Variants in FSTL5 observed in about 807,000 individuals in gnomAD.
FSTL5 encodes the protein follistatin like 5.
A neutral mutation model predicts 89.1 loss-of-function variants in FSTL5; 62 were observed. The observed-to-expected ratio is 0.70, with a 90% confidence interval of 0.57 to 0.86. The LOEUF (loss-of-function observed/expected upper bound fraction) is 0.86, where lower values mean the gene tolerates loss of function less well. Among genes scored for constraint, FSTL5 ranks in the 40% least tolerant of loss-of-function variants. The pLI, the probability that FSTL5 is intolerant of heterozygous loss-of-function variation, is 0.00. For missense variants in FSTL5, 1,057 were observed against 1,001.6 expected, an observed-to-expected ratio of 1.06 and a Z score of -0.75; for synonymous variants, 383 against 346.2, an observed-to-expected ratio of 1.11 and a Z score of -1.18.
intron 15 of FSTL5, among the ~76,000 whole-genome samples, chr4:161,449,973 T>C (rs1733106108): frequency 6.6e-6 from 1 of 152,182 alleles, no homozygotes; most frequent in South Asian, 2.1e-4. Context: ...GATTACACTT[T>C]GTGGCCTTCC....
At chr4:161,664,129 C>T (rs868094570) in intron 6 of FSTL5, among the ~76,000 whole-genome samples, 1 of 152,136 alleles carries the variant, frequency 6.6e-6, no homozygotes, top group Admixed American at 6.5e-5. Flanking sequence ...GGACGGGCTG[C>T]GGTGAAGGTC....
At chr4:161,766,954 A>C (rs766546761) in intron 5 of FSTL5, among the ~76,000 whole-genome samples, 18 of 145,164 alleles carry the variant, frequency 1.2e-4, no homozygotes, top group East Asian at 2.0e-4. Flanking sequence ...ATAGATAGAT[A>C]GATCTCACTC....
At chr4:161,879,399 G>A (rs890829193) in intron 4 of FSTL5, among the ~76,000 whole-genome samples, 3 of 152,144 alleles carry the variant, frequency 2.0e-5, no homozygotes. Context: ...TTGTTTTAAA[G>A]CCTAAATTTC....
chr4:161,578,429 CAA>C (rs1404118809), intron 8 of FSTL5, among the ~76,000 whole-genome samples: 1 of 151,434 alleles, frequency 6.6e-6, no homozygotes, highest in East Asian at 1.9e-4. Flanking sequence ...ACAGTATGTA[CAA>C]ATGTTGAAGA....
intron 5 of FSTL5, among the ~76,000 whole-genome samples, chr4:161,764,412 C>T (rs1371273390): frequency 6.6e-6 from 1 of 152,020 alleles, no homozygotes; most frequent in Non-Finnish European, 1.5e-5. Context: ...GCTCCCACCA[C>T]CACGCCCAGC....
rs577041558 is a variant in FSTL5 at position 161,782,722 on chromosome 4, A to G, written c.410-6648T>C. 1.7e-4 allele frequency among the ~76,000 whole-genome samples: 26 copies of G among 152,232 alleles called. 2 individuals carry two copies. In the South Asian group the frequency reaches 5.4e-3, roughly 32 times the overall value. On this transcript the variant is annotated intron_variant, in intron 4 of 15. Coordinates refer to ENST00000306100, the MANE Select transcript of FSTL5 (RefSeq NM_020116.5). ...TGAGTTAAAAATTCATTCCCCAAAC[A>G]CTTTGCTACTTAAGATATAACTTGT...
intron 5 of FSTL5, among the ~76,000 whole-genome samples, chr4:161,775,662 A>G (rs1741382298): frequency 6.6e-6 from 1 of 152,068 alleles, no homozygotes; most frequent in Non-Finnish European, 1.5e-5. Context: ...AGAAGTAGAT[A>G]TCTCTTTTTA....
At chr4:162,079,037 T>C (rs1019668856) in intron 2 of FSTL5, among the ~76,000 whole-genome samples, 1 of 151,662 alleles carries the variant, frequency 6.6e-6, no homozygotes, top group Admixed American at 6.6e-5. Context: ...GGAAGGACGT[T>C]TTACGATCCA....
intron 12 of FSTL5, among the ~76,000 whole-genome samples, chr4:161,490,334 A>G (rs1431805564): frequency 2.0e-5 from 3 of 152,096 alleles, no homozygotes; most frequent in Non-Finnish European, 4.4e-5. Flanking sequence ...ATGTTGTACA[A>G]TTTCTATTTT....
At chr4:161,595,434 T>G (rs1478803960) in intron 7 of FSTL5, among the ~76,000 whole-genome samples, 4 of 152,092 alleles carry the variant, frequency 2.6e-5, no homozygotes, top group Non-Finnish European at 5.9e-5. Flanking sequence ...ATTACAGAGT[T>G]GCCTTAAGGC....
chr4:162,072,203 A>G (rs1455290684), intron 2 of FSTL5, among the ~76,000 whole-genome samples: 1 of 151,824 alleles, frequency 6.6e-6, no homozygotes, highest in Admixed American at 6.6e-5. Flanking sequence ...AAAATAATAC[A>G]CAGTTAATAA....
At chr4:161,803,018 GT>G (rs1729846358) in intron 4 of FSTL5, among the ~76,000 whole-genome samples, 1 of 151,844 alleles carries the variant, frequency 6.6e-6, no homozygotes, top group Admixed American at 6.6e-5. Flanking sequence ...TAGTGTTCTT[GT>G]TTTAAAAATT....
chr4:162,161,908 T>C (rs908079366), intron 1 of FSTL5, among the ~76,000 whole-genome samples: 1 of 152,070 alleles, frequency 6.6e-6, no homozygotes, highest in Non-Finnish European at 1.5e-5. Flanking sequence ...ATTCTCTGTG[T>C]ATTTAAAGGA....
At chr4:161,724,315 A>T (rs1010401442) in intron 6 of FSTL5, among the ~76,000 whole-genome samples, 67 of 152,324 alleles carry the variant, frequency 4.4e-4, no homozygotes, top group African/African-American at 1.6e-3. Context: ...TAATGCAATT[A>T]TTAATAGCAA....
intron 2 of FSTL5, among the ~76,000 whole-genome samples, chr4:162,053,360 T>C (rs1045873122): frequency 6.6e-6 from 1 of 151,798 alleles, no homozygotes; most frequent in African/African-American, 2.4e-5. Flanking sequence ...GTTAAAATGG[T>C]CTTTTTTTAG....
At chr4:161,979,247 G>C (rs945506450) in intron 3 of FSTL5, among the ~76,000 whole-genome samples, 1 of 152,060 alleles carries the variant, frequency 6.6e-6, no homozygotes, top group African/African-American at 2.4e-5. Flanking sequence ...GATATACACT[G>C]GTTCAAGAAG....
chr4:161,442,083 T>C (rs1732789740), intron 15 of FSTL5, among the ~76,000 whole-genome samples: 1 of 151,780 alleles, frequency 6.6e-6, no homozygotes, highest in Admixed American at 6.6e-5. Flanking sequence ...ACCAAAAAGG[T>C]CACTAAATAA....
intron 6 of FSTL5, among the ~76,000 whole-genome samples, chr4:161,716,122 C>T (rs1046462787): frequency 6.6e-6 from 1 of 152,142 alleles, no homozygotes. Context: ...TCTCCATCAC[C>T]GTGCAGATCC....
At chr4:161,465,430 T>C (rs1167207958) in intron 13 of FSTL5, among the ~76,000 whole-genome samples, 1 of 152,134 alleles carries the variant, frequency 6.6e-6, no homozygotes, top group Non-Finnish European at 1.5e-5. Context: ...TTAACCTATA[T>C]AATGCTCATT....
Sources: gnomAD v4.1 joint callset for allele counts (sites outside exome capture counted in the v4.1 genomes callset) on GRCh38, gnomAD v4.1.1 for gene constraint, MANE v1.5 for transcripts, NCBI Gene and HGNC (gene_info 2026-07-23, HGNC 2026-07-21) for gene names.